MARCHF3: variants seen among roughly 807,000 people sequenced by gnomAD.
The protein encoded by MARCHF3 is E3 ubiquitin-protein ligase MARCHF3.
Under a neutral mutation model 24.2 loss-of-function variants are expected in MARCHF3, and 13 were observed. That is an observed-to-expected ratio of 0.54 (90% CI 0.35 to 0.85). The LOEUF (loss-of-function observed/expected upper bound fraction) is 0.85. Ranked by LOEUF, MARCHF3 falls within the 40% of genes least tolerant of loss-of-function variation. The pLI is 0.01. For missense variants in MARCHF3, 276 were observed against 325.0 expected, an observed-to-expected ratio of 0.85 and a Z score of 1.16; for synonymous variants, 144 against 137.3, an observed-to-expected ratio of 1.05 and a Z score of -0.34.
chr5:126,870,923 G>A, intron 4 of MARCHF3, 132 bp from the exon 5 acceptor site: 1 of 1,266,784 alleles, frequency 7.9e-7, no homozygotes, highest in Non-Finnish European at 1.1e-6. Context: ...CAAGAACCCT[G>A]GGAAAATGGC....
At chr5:126,980,947 G>T (rs1381812401) in intron 1 of MARCHF3, among the ~76,000 whole-genome samples, 1 of 152,134 alleles carries the variant, frequency 6.6e-6, no homozygotes, top group African/African-American at 2.4e-5. Context: ...TTCCATCCAT[G>T]GCCCCAGACT....
At chr5:126,955,648 T>C (rs1275849427) in intron 1 of MARCHF3, among the ~76,000 whole-genome samples, 1 of 152,332 alleles carries the variant, frequency 6.6e-6, no homozygotes, top group Non-Finnish European at 1.5e-5. Context: ...CCCATTTCTG[T>C]AGTAAGTTGT....
At position 126,870,701 on chromosome 5, in the gene MARCHF3, G is replaced by T. The variant is rs1430828576; in HGVS notation, c.694C>A (p.Pro232Thr). ...CCCAGCAAGGACGGCTGGTTAGAAG[G>T]TACATTGACAGACTTTGGAATGAGG... ...ILLIPKSVNV[P>T]SNQPSLLGLH... The change falls in exon 5 of 5, where the codon CCT (proline) becomes ACT (threonine). Residue 232 changes from proline to threonine, a missense_variant. By Grantham distance (38) the Pro-to-Thr change is conservative (BLOSUM62 -1). Transcript: ENST00000308660. 3 of 1,614,192 alleles carry T rather than the reference G, an allele frequency of 1.9e-6. No homozygotes were observed. Among genetic ancestry groups the T allele is most frequent in the East Asian group, 4.5e-5 (2 of 44,886 alleles).
At chr5:126,892,255 C>T (rs1164269870) in intron 3 of MARCHF3, among the ~76,000 whole-genome samples, 1 of 147,588 alleles carries the variant, frequency 6.8e-6, no homozygotes, top group East Asian at 2.0e-4. Context: ...TTGACTTCCT[C>T]TTTTCCTAAT....
At chr5:127,017,012 G>A (rs969197283) in intron 1 of MARCHF3, among the ~76,000 whole-genome samples, 9 of 152,254 alleles carry the variant, frequency 5.9e-5, no homozygotes, top group Middle Eastern at 3.4e-3. Context: ...ACTATCACAA[G>A]GATAGAAAAC....
Position 126,947,474 on chromosome 5 carries a change from ACT to A in MARCHF3, c.-56-29249_-56-29248del, listed in dbSNP as rs1187956109. 3.9e-5 allele frequency among the ~76,000 whole-genome samples: 6 copies of A among 152,344 alleles called. No individual in the cohort carries two copies. The East Asian group carries it at 1.2e-3, about 29-fold the overall frequency. ...GGGCAGTGAAAATGCTCTGGATGATACTATGTAGTGGATATGTGTCATTATAC... is the reference window on the plus strand; with the variant it reads ...GGGCAGTGAAAATGCTCTGGATGATAATGTAGTGGATATGTGTCATTATAC... On this transcript the variant is annotated intron_variant, in intron 1 of 4. Transcript: ENST00000308660.
At chr5:126,985,543 C>A (rs1019290826) in intron 1 of MARCHF3, among the ~76,000 whole-genome samples, 24 of 150,626 alleles carry the variant, frequency 1.6e-4, no homozygotes, top group African/African-American at 5.6e-4. Flanking sequence ...GATCTTGGCT[C>A]ACTGCAACCT....
In MARCHF3 at chr5:126,915,150, G is replaced by C. The variant is rs749787660; in HGVS notation, c.189-16C>G. On this transcript the variant is annotated splice_polypyrimidine_tract_variant and intron_variant, in intron 2 of 4. Coordinates refer to ENST00000308660, the MANE Select transcript of MARCHF3 (RefSeq NM_178450.5). ...ATTGAAGGGGCTGCAAGAGAAGGAG[G>C]GGCACCTGCTGGTCACTGGGCTGGA... The C allele has an allele frequency of 3.7e-6, 6 of 1,611,192 alleles. No individual in the cohort carries two copies. The African/African-American group carries it at 8.0e-5, about 22-fold the overall frequency.
chr5:127,018,799 G>A (rs922048054), intron 1 of MARCHF3, among the ~76,000 whole-genome samples: 1 of 152,194 alleles, frequency 6.6e-6, no homozygotes, highest in African/African-American at 2.4e-5. Context: ...ACCATGGAGA[G>A]CAAGATGAAC....
rs183448583 is a variant in MARCHF3, at chr5:126,993,243, G to T, written c.-57+37107C>A. ...ACATCCCTCCTGAGTTAGGGCTAAA[G>T]TTCCAAGGCGAGGTGTAGAGGCCAA... On this transcript the variant is annotated intron_variant, in intron 1 of 4. Transcript: ENST00000308660. Among the ~76,000 whole-genome samples the T allele has an allele frequency of 1.3e-4, 20 of 152,298 alleles. No individual in the cohort carries two copies. The East Asian group carries it at 3.7e-3, about 28-fold the overall frequency.
intron 2 of MARCHF3, 110 bp downstream of exon 2, chr5:126,917,874 T>C: frequency 1.9e-6 from 2 of 1,075,388 alleles, no homozygotes; most frequent in Non-Finnish European, 1.3e-6. Flanking sequence ...GCACCTCCTC[T>C]CACCTGACAC....
At chr5:126,992,235 G>A (rs149264096) in intron 1 of MARCHF3, among the ~76,000 whole-genome samples, 1 of 151,990 alleles carries the variant, frequency 6.6e-6, no homozygotes, top group African/African-American at 2.4e-5. Context: ...CCATACCACA[G>A]GATACCATAT....
At chr5:127,022,017 A>C (rs1752819920) in intron 1 of MARCHF3, among the ~76,000 whole-genome samples, 1 of 152,242 alleles carries the variant, frequency 6.6e-6, no homozygotes, top group Non-Finnish European at 1.5e-5. Context: ...GTTTTATAGA[A>C]AACCTCATCT....
chr5:126,946,381 A>AAG, intron 1 of MARCHF3: 1 of 151,902 alleles, frequency 6.6e-6, no homozygotes, highest in East Asian at 1.9e-4. Context: ...AAAAAAAAAA[A>AAG]AAAAAAAAAG....
rs561436334 is a variant in MARCHF3, at chr5:126,885,090, G to T, written c.394-6696C>A. The stretch of plus-strand genomic sequence containing the variant: ...CACCTTCTCATGGAAAACACTCCCA[G>T]CACCTGTGAATGTTACTCAGCTGTA... On this transcript the variant is annotated intron_variant, in intron 3 of 4. Transcript: ENST00000308660. Among the ~76,000 whole-genome samples, 45 of 152,176 alleles carry T rather than the reference G, an allele frequency of 3.0e-4. No homozygotes were observed. In the South Asian group the frequency reaches 7.5e-3, roughly 25 times the overall value.
intron 4 of MARCHF3, 139 bp from the exon 5 acceptor site, chr5:126,870,930 T>G: frequency 8.3e-7 from 1 of 1,209,650 alleles, no homozygotes; most frequent in Non-Finnish European, 1.1e-6. Context: ...CCTGGGAAAA[T>G]GGCTCTGGCA....
At chr5:126,934,511 T>A (rs1749577667) in intron 1 of MARCHF3, among the ~76,000 whole-genome samples, 1 of 151,748 alleles carries the variant, frequency 6.6e-6, no homozygotes, top group South Asian at 2.1e-4. Flanking sequence ...GATCTAGGGG[T>A]TATTTAGGAA....
intron 3 of MARCHF3, among the ~76,000 whole-genome samples, chr5:126,892,823 T>G (rs909252960): frequency 6.6e-6 from 1 of 151,004 alleles, no homozygotes; most frequent in Non-Finnish European, 1.5e-5. Context: ...TAGGGAGGAT[T>G]CCCTCTTTGT....
chr5:127,010,649 T>A (rs1752442566), intron 1 of MARCHF3, among the ~76,000 whole-genome samples: 1 of 152,236 alleles, frequency 6.6e-6, no homozygotes, highest in Non-Finnish European at 1.5e-5. Flanking sequence ...TGAAAATCTA[T>A]GCTCTGTATT....
Sources: allele counts gnomAD v4.1 joint callset (sites outside exome capture counted in the v4.1 genomes callset), GRCh38; gene constraint gnomAD v4.1.1; transcripts MANE v1.5; gene names NCBI Gene and HGNC (gene_info 2026-07-23, HGNC 2026-07-21).